Variants in ZIM2 observed in about 807,000 individuals in gnomAD.
ZIM2 encodes the protein zinc finger protein 656.
ZIM2 carries 14 observed loss-of-function variants against 38.6 expected under a neutral mutation model. That is an observed-to-expected ratio of 0.36 (90% CI 0.24 to 0.57). ZIM2 has a LOEUF of 0.57. Ranked by LOEUF, ZIM2 falls within the 20% of genes least tolerant of loss-of-function variation. ZIM2 has a pLI of 0.81. For synonymous variants in ZIM2, 247 were observed against 245.8 expected (o/e 1.00, Z -0.04); for missense variants, 680 against 695.1 (o/e 0.98, Z 0.24).
At chr19:56,796,102 T>C (rs950220684) in intron 9 of ZIM2, among the ~76,000 whole-genome samples, 2 of 152,144 alleles carry the variant, frequency 1.3e-5, no homozygotes, top group African/African-American at 4.8e-5. Flanking sequence ...TTTATACTTG[T>C]AGAAGAAATG....
chr19:56,806,439 A>G (rs980153442), intron 9 of ZIM2, among the ~76,000 whole-genome samples: 11 of 152,184 alleles, frequency 7.2e-5, no homozygotes, highest in African/African-American at 2.7e-4. Flanking sequence ...GAGAGAGTAG[A>G]AGGCTGGTTG....
Position 56,817,301 on chromosome 19 carries a change from G to T in ZIM2, c.490+445C>A, listed in dbSNP as rs746531138. 1.9e-6 allele frequency: 3 copies of T among 1,614,104 alleles called. No homozygotes were observed. In the East Asian group the frequency reaches 6.7e-5, roughly 36 times the overall value. ...TCAAGAACTCTCTTTCTGGAAACAA[G>T]GGTTGAATTAAACCTAAAGCCTCCC... On this transcript the variant is annotated intron_variant, in intron 9 of 12. Transcript: ENST00000629319.
At chr19:56,826,971 T>C (rs2061102013) in intron 2 of ZIM2, among the ~76,000 whole-genome samples, 1 of 152,152 alleles carries the variant, frequency 6.6e-6, no homozygotes. Context: ...GGCAGGCTTA[T>C]AGAGTTCAAT....
chr19:56,838,777 A>G (rs1220269454), intron 1 of ZIM2, among the ~76,000 whole-genome samples: 1 of 152,190 alleles, frequency 6.6e-6, no homozygotes, highest in Admixed American at 6.5e-5. Flanking sequence ...ACCAGCACAC[A>G]CAGCCCAAGG....
rs780388034 is a variant in ZIM2 at position 56,814,817 on chromosome 19, G to A, written c.490+2929C>T. 1.1e-5 allele frequency: 17 copies of A among 1,614,034 alleles called. No individual in the cohort carries two copies. Among genetic ancestry groups the A allele is most frequent in the Admixed American group, 1.7e-5 (1 of 60,010 alleles). Reference sequence around the variant, plus strand: ...TTCCTCTCTGCAGCACGATTCCTCCGTGGCTTCATGGGCAAGAGGGCAATA... The same window carrying A: ...TTCCTCTCTGCAGCACGATTCCTCCATGGCTTCATGGGCAAGAGGGCAATA... On this transcript the variant is annotated intron_variant, in intron 9 of 12. Transcript: ENST00000629319. The surrounding 1 kb of genome is among the most constrained non-coding windows in gnomAD (Gnocchi z 5.8).
Position 56,814,872 on chromosome 19 carries a change from C to T in ZIM2, c.490+2874G>A, listed in dbSNP as rs752554891. 1 of 1,614,194 alleles carries T rather than the reference C, an allele frequency of 6.2e-7. No individual in the cohort carries two copies. The highest frequency in any genetic ancestry group is 1.7e-5 in the Admixed American group (1 of 60,030). On this transcript the variant is annotated intron_variant, in intron 9 of 12. Transcript: ENST00000629319. This position sits in a 1 kb window ranked among gnomAD's most constrained non-coding sequence, Gnocchi z 5.8. ...CATCATCACACCCCTTCATGGAATA[C>T]AACTGGTCTTGTTCATGGATTCTCT...
At chr19:56,818,577 G>A (rs2060197128) in intron 8 of ZIM2, 23 bp downstream of exon 8, 1 of 1,613,204 alleles carries the variant, frequency 6.2e-7, no homozygotes, top group Non-Finnish European at 8.5e-7. Flanking sequence ...GACTGGGAGT[G>A]ACTGAGAGAA....
At position 56,821,169 on chromosome 19, in the gene ZIM2, T is replaced by C. The variant is rs183801544; in HGVS notation, c.294+482A>G. Among the ~76,000 whole-genome samples the C allele has an allele frequency of 3.0e-3, 451 of 152,350 alleles. 2 individuals carry two copies. Among genetic ancestry groups the C allele is most frequent in the African/African-American group, 0.01 (429 of 41,584 alleles). ...GCCCTGGGAGCAATCACCATATTCA[T>C]TTTACAGATGAGGAAACTTAAATTC... On this transcript the variant is annotated intron_variant, in intron 7 of 12. Transcript: ENST00000629319.
intron 10 of ZIM2, 126 bp downstream of exon 10, chr19:56,789,746 T>G (rs1288992498): frequency 1.2e-6 from 1 of 837,790 alleles, no homozygotes; most frequent in African/African-American, 1.7e-5. Flanking sequence ...AAAGGCTCAG[T>G]AAAGTGATAT....
In ZIM2 at chr19:56,821,671, C is replaced by T. The variant is rs1363229409; in HGVS notation, c.274G>A (p.Ala92Thr). The change falls in exon 7 of 13, where the codon GCT becomes ACT. Residue 92 changes from alanine (A) to threonine (T), a missense_variant. Physicochemically the swap from Ala to Thr is moderately conservative, Grantham distance 58. Transcript: ENST00000629319. ...CATACCTGAGATCGGGACTCATAAG[C>T]CCTGGAGTCCCTGTCGTCCTCTCTG... Reference protein sequence around the residue: ...MDREDDRDSRAYESRSQDAES... With the variant: ...MDREDDRDSRTYESRSQDAES... The T allele has an allele frequency of 1.2e-6, 2 of 1,613,844 alleles. No homozygotes were observed. Among genetic ancestry groups the T allele is most frequent in the African/African-American group, 1.3e-5 (1 of 74,896 alleles).
At position 56,774,886 on chromosome 19, in the gene ZIM2, T is replaced by C. The variant is rs1281918758; in HGVS notation, c.1479A>G (p.Gly493=). 1 of 1,614,084 alleles carries C rather than the reference T, an allele frequency of 6.2e-7. No individual in the cohort carries two copies. The highest frequency in any genetic ancestry group is 1.3e-5 in the African/African-American group (1 of 74,928). ...AGTCACAACACTGGCAGGCTCTCTC[T>C]CCAACGTAGTCATGTTTCCGCTGAT... ...IRYQRKHDYV[G]ERACQCCDCG... Residue 493 remains glycine (G), a synonymous_variant, in exon 13 of 13, where the codon GGA becomes GGG. Coordinates refer to ENST00000629319, the MANE Select transcript of ZIM2 (RefSeq NM_001387356.1).
chr19:56,785,452 A>G (rs1216643323), intron 10 of ZIM2, among the ~76,000 whole-genome samples: 1 of 152,026 alleles, frequency 6.6e-6, no homozygotes, highest in Non-Finnish European at 1.5e-5. Flanking sequence ...TTCTGGTTCT[A>G]AAGAAAGCAG....
intron 9 of ZIM2, chr19:56,816,016 C>T (rs2059945850): frequency 6.3e-7 from 1 of 1,590,974 alleles, no homozygotes; most frequent in East Asian, 2.2e-5. Context: ...AGCATCGAAG[C>T]TCTGAATGGT....
Position 56,836,926 on chromosome 19 carries a change from C to T in ZIM2, c.-313-822G>A, listed in dbSNP as rs143803549. ...CAGAGGCTGCAGTGAGCCAAGATCA[C>T]GCCACCACACTCCAGCCTGGGTGAG... On this transcript the variant is annotated intron_variant, in intron 1 of 12. Coordinates refer to ENST00000629319, the MANE Select transcript of ZIM2 (RefSeq NM_001387356.1). Among the ~76,000 whole-genome samples, 374 of 144,374 alleles carry T rather than the reference C, an allele frequency of 2.6e-3. 2 individuals carry two copies. Among genetic ancestry groups the T allele is most frequent in the African/African-American group, 8.2e-3 (313 of 37,940 alleles). The allele number at this position is 144,374 out of a possible 152,430, so 94.7% of individuals were successfully genotyped here. A position where few individuals can be genotyped will look rare whatever the true frequency, so the allele number is the denominator to read the frequency against.
rs762481410 is a variant in ZIM2, at chr19:56,808,846, T to C, written c.490+8900A>G. 2.8e-4 allele frequency among the ~76,000 whole-genome samples: 42 copies of C among 152,302 alleles called. No individual in the cohort carries two copies. In the South Asian group the frequency reaches 3.9e-3, roughly 14 times the overall value. ...GGAACCAGGATTCCCTCTGGCTTTA[T>C]GGTCTATTTCCTTCTAGGCCTGTTT... On this transcript the variant is annotated intron_variant, in intron 9 of 12. Coordinates refer to ENST00000629319, the MANE Select transcript of ZIM2 (RefSeq NM_001387356.1).
At chr19:56,815,622 T>G in intron 9 of ZIM2, 1 of 1,614,204 alleles carries the variant, frequency 6.2e-7, no homozygotes. Context: ...GCTCAATGTA[T>G]TTCTTTTTAG....
At chr19:56,793,501 AGACT>A (rs1302363431) in intron 9 of ZIM2, among the ~76,000 whole-genome samples, 1 of 152,208 alleles carries the variant, frequency 6.6e-6, no homozygotes, top group Non-Finnish European at 1.5e-5. Context: ...AATTACATAC[AGACT>A]TACAACTAGC....
chr19:56,820,319 G>C (rs539166368), intron 7 of ZIM2, among the ~76,000 whole-genome samples: 16 of 152,340 alleles, frequency 1.1e-4, no homozygotes, highest in African/African-American at 3.6e-4. Context: ...TGTGTCATTT[G>C]CTGCTGGTGT....
intron 3 of ZIM2, among the ~76,000 whole-genome samples, chr19:56,825,299 G>T (rs1488065577): frequency 6.6e-6 from 1 of 152,170 alleles, no homozygotes; most frequent in Non-Finnish European, 1.5e-5. Flanking sequence ...AATATTAAAA[G>T]TACTCAACTC....
Sources: allele counts gnomAD v4.1 joint callset (sites outside exome capture counted in the v4.1 genomes callset), GRCh38; gene constraint gnomAD v4.1.1; non-coding constraint Gnocchi (gnomAD v3.1); transcripts MANE v1.5; gene names NCBI Gene and HGNC (gene_info 2026-07-23, HGNC 2026-07-21).